CLPB: variants seen among roughly 807,000 people sequenced by gnomAD.
CLPB encodes the protein mitochondrial disaggregase.
CLPB carries 40 observed loss-of-function variants against 78.4 expected under a neutral mutation model. The observed-to-expected ratio is 0.51, with a 90% CI of 0.40 to 0.66. The LOEUF is 0.66. Among genes scored for constraint, CLPB ranks in the 30% least tolerant of loss-of-function variants. The probability of loss-of-function intolerance (pLI) is 0.00; values close to 1 mark genes in which losing one functional copy is unlikely to be tolerated. For synonymous variants in CLPB, 333 were observed against 348.0 expected (o/e 0.96, Z 0.48); for missense variants, 780 against 886.9 (o/e 0.88, Z 1.53).
chr11:72,428,838 G>A (rs1364003934), intron 2 of CLPB: 1 of 152,214 alleles, frequency 6.6e-6, no homozygotes, highest in Non-Finnish European at 1.5e-5. Flanking sequence ...TTTTTGGGAT[G>A]GGTGTTTAAT....
intron 2 of CLPB, among the ~76,000 whole-genome samples, chr11:72,407,939 G>A (rs963855717): frequency 6.6e-6 from 1 of 152,028 alleles, no homozygotes; most frequent in East Asian, 1.9e-4. Context: ...GAGCCACCGC[G>A]CCCAGCCTCT....
intron 3 of CLPB, among the ~76,000 whole-genome samples, chr11:72,400,045 T>A (rs1462756280): frequency 6.6e-6 from 1 of 152,192 alleles, no homozygotes; most frequent in Non-Finnish European, 1.5e-5. Context: ...ACGGCACTTA[T>A]CTTCTAATAT....
chr11:72,298,684 G>A (rs534949474), intron 11 of CLPB, among the ~76,000 whole-genome samples: 52 of 152,288 alleles, frequency 3.4e-4, no homozygotes, highest in Non-Finnish European at 5.3e-4. Context: ...TTTTTGTAGA[G>A]ACAAGGTTTT....
At chr11:72,359,182 G>C in intron 4 of CLPB, 174 bp from the exon 5 acceptor site, 1 of 857,688 alleles carries the variant, frequency 1.2e-6, no homozygotes, top group Non-Finnish European at 1.9e-6. Flanking sequence ...GCAAAACAGA[G>C]GCCAGTTAGT....
intron 9 of CLPB, among the ~76,000 whole-genome samples, chr11:72,303,266 GCTT>G (rs1477958928): frequency 1.3e-5 from 2 of 152,216 alleles, no homozygotes; most frequent in African/African-American, 4.8e-5. Flanking sequence ...ACTGAATCCT[GCTT>G]CTCCTGAGAG....
chr11:72,391,817 C>T (rs1855261965), intron 3 of CLPB, among the ~76,000 whole-genome samples: 1 of 152,180 alleles, frequency 6.6e-6, no homozygotes, highest in African/African-American at 2.4e-5. Context: ...CCTTTGGAGC[C>T]ACAGCCAAAT....
At chr11:72,365,695 T>C (rs1950929403) in intron 4 of CLPB, among the ~76,000 whole-genome samples, 2 of 152,126 alleles carry the variant, frequency 1.3e-5, no homozygotes, top group Non-Finnish European at 2.9e-5. Context: ...AGCATGGCAC[T>C]GTACAAAAAC....
chr11:72,309,025 A>G lies in CLPB; in HGVS notation c.989-421T>C, dbSNP rs72968898. On this transcript the variant is annotated intron_variant, in intron 7 of 15. Coordinates refer to ENST00000538039, the MANE Select transcript of CLPB (RefSeq NM_001258392.3). ...ATGCAAATACAAGAGGCAGAAGCCC[A>G]TGGCAGGCCCTTGGGGATGTGGGGT... Among the ~76,000 whole-genome samples, 1,264 of 152,310 alleles carry G rather than the reference A, an allele frequency of 8.3e-3. 6 individuals carry two copies. Among genetic ancestry groups the G allele is most frequent in the Non-Finnish European group, 0.012 (827 of 68,020 alleles).
intron 7 of CLPB, among the ~76,000 whole-genome samples, chr11:72,314,242 CGGGACTAGGT>C (rs1949900621): frequency 1.3e-5 from 2 of 152,112 alleles, no homozygotes; most frequent in Admixed American, 1.3e-4. Context: ...GAGGGTCAAC[CGGGACTAGGT>C]GGACGGAAGC....
intron 3 of CLPB, among the ~76,000 whole-genome samples, chr11:72,388,850 T>C (rs1187506633): frequency 2.0e-5 from 3 of 152,096 alleles, no homozygotes; most frequent in South Asian, 4.1e-4. Context: ...ATATAGCATA[T>C]AGCAGGGCAG....
intron 4 of CLPB, chr11:72,363,249 T>C (rs1227574637): frequency 2.0e-5 from 3 of 152,218 alleles, no homozygotes; most frequent in African/African-American, 7.2e-5. Context: ...AGCATAAGAA[T>C]AGAGTTCTGA....
chr11:72,394,320 C>G (rs1403170632), intron 3 of CLPB, among the ~76,000 whole-genome samples: 1 of 152,258 alleles, frequency 6.6e-6, no homozygotes, highest in Admixed American at 6.5e-5. Flanking sequence ...ATGGAACACC[C>G]TGCCCCAAGC....
intron 4 of CLPB, among the ~76,000 whole-genome samples, chr11:72,369,180 T>G (rs1379998668): frequency 6.6e-6 from 1 of 152,160 alleles, no homozygotes; most frequent in East Asian, 1.9e-4. Flanking sequence ...TTCTTTTTAG[T>G]GCAGACCCAG....
chr11:72,408,666 C>CAAAAAAA (rs576990524), intron 2 of CLPB, among the ~76,000 whole-genome samples: 3 of 64,256 alleles, frequency 4.7e-5, no homozygotes, highest in Non-Finnish European at 7.1e-5. Flanking sequence ...GACTCTGTCT[C>CAAAAAAA]AAAAAAAAAA....
chr11:72,355,050 G>GC (rs1950685163), intron 5 of CLPB: 1 of 152,202 alleles, frequency 6.6e-6, no homozygotes, highest in Non-Finnish European at 1.5e-5. Context: ...GAGGCCCATG[G>GC]TCTCAGAGAT....
chr11:72,432,199 T>C (rs1428485300), intron 1 of CLPB, among the ~76,000 whole-genome samples: 1 of 152,048 alleles, frequency 6.6e-6, no homozygotes, highest in Non-Finnish European at 1.5e-5. Context: ...CCCGAAACTG[T>C]TATTTCCATT....
At position 72,379,234 on chromosome 11, in the gene CLPB, T is replaced by C. The variant is rs186469942; in HGVS notation, c.646+1047A>G. 3.9e-5 allele frequency among the ~76,000 whole-genome samples: 6 copies of C among 152,248 alleles called. No homozygotes were observed. The East Asian group carries it at 1.2e-3, about 29-fold the overall frequency. ...TGAATTTCCCCCAGCGTCAATATTC[T>C]GGCTCTCAGGCAGTCAGAGAGGCTG... On this transcript the variant is annotated intron_variant, in intron 4 of 15. Coordinates refer to ENST00000538039, the MANE Select transcript of CLPB (RefSeq NM_001258392.3).
intron 4 of CLPB, among the ~76,000 whole-genome samples, chr11:72,365,466 T>A (rs1950925209): frequency 6.6e-6 from 1 of 152,230 alleles, no homozygotes; most frequent in African/African-American, 2.4e-5. Context: ...GGTCTCTTTA[T>A]GGAGTGATAA....
chr11:72,326,783 G>A (rs1950140861), intron 6 of CLPB, among the ~76,000 whole-genome samples: 1 of 152,150 alleles, frequency 6.6e-6, no homozygotes, highest in African/African-American at 2.4e-5. Flanking sequence ...GAAGAAACCA[G>A]GTCTAAAATG....
Sources: gnomAD v4.1 joint callset for allele counts (sites outside exome capture counted in the v4.1 genomes callset) on GRCh38, gnomAD v4.1.1 for gene constraint, MANE v1.5 for transcripts, NCBI Gene and HGNC (gene_info 2026-07-23, HGNC 2026-07-21) for gene names.